The following KAZN variants were observed in gnomAD, a reference collection of about 807,000 sequenced individuals.
KAZN encodes the protein kazrin.
A neutral mutation model predicts 87.4 loss-of-function variants in KAZN; 40 were observed. The observed-to-expected ratio is 0.46, with a 90% CI of 0.36 to 0.60. The LOEUF is 0.60. Ranked by LOEUF, KAZN falls within the 20% of genes least tolerant of loss-of-function variation. The pLI, the probability that KAZN is intolerant of heterozygous loss-of-function variation, is 0.00. For missense variants in KAZN, 898 were observed against 1,073.9 expected (o/e 0.84, Z 2.29); for synonymous variants, 466 against 458.3 (o/e 1.02, Z -0.22).
At chr1:14,828,747 A>G (rs1646970300) in intron 1 of KAZN, among the ~76,000 whole-genome samples, 1 of 152,218 alleles carries the variant, frequency 6.6e-6, no homozygotes, top group Non-Finnish European at 1.5e-5. Flanking sequence ...GGACGGGTAC[A>G]ACAGTCCAAA....
chr1:14,601,112 G>A (rs1277909641), intron 1 of KAZN, among the ~76,000 whole-genome samples: 1 of 152,148 alleles, frequency 6.6e-6, no homozygotes, highest in Non-Finnish European at 1.5e-5. Flanking sequence ...GCTCCCATAC[G>A]CTCTCAGGAC....
In KAZN at chr1:14,480,551, A is replaced by G. The variant is rs368075743; in HGVS notation, c.250-118432A>G. Among the ~76,000 whole-genome samples, 18 of 147,614 alleles carry G rather than the reference A, an allele frequency of 1.2e-4. No homozygotes were observed. In the East Asian group the frequency reaches 2.3e-3, roughly 19 times the overall value. ...TATATATAGCATATATAATTTATAT[A>G]TTTATGTATATTTATAAACATAATA... On this transcript the variant is annotated intron_variant, in intron 2 of 16. Coordinates refer to the KAZN transcript ENST00000636203.
intron 1 of KAZN, among the ~76,000 whole-genome samples, chr1:14,778,649 C>T (rs1283054212): frequency 6.6e-6 from 1 of 152,210 alleles, no homozygotes; most frequent in Admixed American, 6.5e-5. Context: ...CCAAGGTGCA[C>T]ACACATCACA....
At chr1:14,370,256 G>A (rs144602140) in intron 2 of KAZN, among the ~76,000 whole-genome samples, 71 of 152,318 alleles carry the variant, frequency 4.7e-4, no homozygotes, top group African/African-American at 1.6e-3. Context: ...AAGAAGTGGG[G>A]AGGACTGGTC....
chr1:14,893,654 G>T (rs1316435903), intron 1 of KAZN, among the ~76,000 whole-genome samples: 1 of 152,144 alleles, frequency 6.6e-6, no homozygotes, highest in African/African-American at 2.4e-5. Flanking sequence ...ACCATATTGT[G>T]TCTGGAGTTT....
At chr1:14,984,036 G>A (rs1449731100) in intron 2 of KAZN, among the ~76,000 whole-genome samples, 1 of 152,154 alleles carries the variant, frequency 6.6e-6, no homozygotes, top group African/African-American at 2.4e-5. Flanking sequence ...GCAGTGCTTT[G>A]GAGTAGTAAT....
chr1:14,620,792 A>G (rs759900335), intron 1 of KAZN, among the ~76,000 whole-genome samples: 2 of 152,212 alleles, frequency 1.3e-5, no homozygotes, highest in Non-Finnish European at 2.9e-5. Context: ...TAGCATCTTT[A>G]AAATGGAAAT....
At chr1:14,208,923 C>G (rs1281312455) in intron 2 of KAZN, among the ~76,000 whole-genome samples, 1 of 152,210 alleles carries the variant, frequency 6.6e-6, no homozygotes, top group Non-Finnish European at 1.5e-5. Context: ...CTAAGAGGTT[C>G]ATAGACATTC....
intron 1 of KAZN, among the ~76,000 whole-genome samples, chr1:14,824,033 G>C (rs901108085): frequency 1.5e-4 from 23 of 150,140 alleles, no homozygotes; most frequent in African/African-American, 5.4e-4. Flanking sequence ...AAAATCTCTT[G>C]AACCCAGGAG....
intron 1 of KAZN, among the ~76,000 whole-genome samples, chr1:13,936,041 A>G (rs1432312335): frequency 7.0e-6 from 1 of 142,220 alleles, no homozygotes; most frequent in Non-Finnish European, 1.5e-5. Context: ...TATACTATAT[A>G]TTCTAGTTTC....
At chr1:14,940,898 CTTTT>C (rs66777443) in intron 1 of KAZN, among the ~76,000 whole-genome samples, 10,090 of 53,796 alleles carry the variant, frequency 0.19, 699 homozygotes, top group Middle Eastern at 0.31. Context: ...TTCTACCTTT[CTTTT>C]TTTTTTTTTT....
chr1:14,397,298 C>G (rs368313855), intron 2 of KAZN, among the ~76,000 whole-genome samples: 2 of 152,132 alleles, frequency 1.3e-5, no homozygotes, highest in East Asian at 1.9e-4. Flanking sequence ...GATCAGGGCA[C>G]CAGCATGGTC....
chr1:14,663,600 C>G (rs1453493402), intron 1 of KAZN, among the ~76,000 whole-genome samples: 1 of 151,988 alleles, frequency 6.6e-6, no homozygotes, highest in Non-Finnish European at 1.5e-5. Context: ...ATGAGTTATA[C>G]CAATTAGGAT....
intron 2 of KAZN, among the ~76,000 whole-genome samples, chr1:14,248,795 G>A (rs908867023): frequency 1.3e-5 from 2 of 152,164 alleles, no homozygotes; most frequent in African/African-American, 4.8e-5. Context: ...GTTGTAAAGA[G>A]GGTGAAACTG....
intron 1 of KAZN, among the ~76,000 whole-genome samples, chr1:14,657,557 T>C (rs1007819184): frequency 6.6e-6 from 1 of 152,198 alleles, no homozygotes; most frequent in Admixed American, 6.5e-5. Flanking sequence ...CTGTGTGAGT[T>C]GCCGCCTTTG....
At chr1:14,568,197 C>G (rs1268715177) in intron 2 of KAZN, among the ~76,000 whole-genome samples, 2 of 152,132 alleles carry the variant, frequency 1.3e-5, no homozygotes, top group African/African-American at 4.8e-5. Flanking sequence ...CTTGAGGAAG[C>G]ACAAAGCTAC....
chr1:14,834,442 A>G (rs1275190685), intron 1 of KAZN, among the ~76,000 whole-genome samples: 2 of 149,058 alleles, frequency 1.3e-5, no homozygotes, highest in Non-Finnish European at 3.0e-5. Context: ...GCTCACTGCA[A>G]GCTCCGCCTC....
chr1:14,369,867 C>T (rs1660326563), intron 2 of KAZN, among the ~76,000 whole-genome samples: 1 of 152,198 alleles, frequency 6.6e-6, no homozygotes, highest in Non-Finnish European at 1.5e-5. Flanking sequence ...TTTGTGTTTT[C>T]ATGATGGTGC....
chr1:14,742,578 C>A (rs192636717), intron 1 of KAZN, among the ~76,000 whole-genome samples: 1 of 152,330 alleles, frequency 6.6e-6, no homozygotes, highest in East Asian at 1.9e-4. Flanking sequence ...AGTCTTGGGA[C>A]AATAAGCCTG....
Sources: allele counts gnomAD v4.1 joint callset (sites outside exome capture counted in the v4.1 genomes callset), GRCh38; gene constraint gnomAD v4.1.1; transcripts MANE v1.5; gene names NCBI Gene and HGNC (gene_info 2026-07-23, HGNC 2026-07-21).